Variants in IGSF11 observed in about 807,000 individuals in gnomAD.
IGSF11 encodes the protein CXADR like 1.
In IGSF11, 22 loss-of-function variants were observed where a neutral mutation model predicts 41.0. The ratio of observed to expected loss-of-function variants is 0.54; its 90% CI spans 0.38 to 0.77. The LOEUF is 0.77. Among genes scored for constraint, IGSF11 ranks in the 30% least tolerant of loss-of-function variants. The probability of loss-of-function intolerance (pLI) is 0.00; values close to 1 mark genes in which losing one functional copy is unlikely to be tolerated. For missense variants in IGSF11, 444 were observed against 530.8 expected, an observed-to-expected ratio of 0.84 and a Z score of 1.61; for synonymous variants, 219 against 201.3, an observed-to-expected ratio of 1.09 and a Z score of -0.74.
At chr3:118,962,590 T>C (rs1576492667) in intron 1 of IGSF11, among the ~76,000 whole-genome samples, 1 of 152,220 alleles carries the variant, frequency 6.6e-6, no homozygotes, top group South Asian at 2.1e-4. Flanking sequence ...CTGAGTTTGA[T>C]GGTTCTGAGG....
chr3:118,936,112 A>G (rs977825125), intron 1 of IGSF11, among the ~76,000 whole-genome samples: 5 of 152,078 alleles, frequency 3.3e-5, no homozygotes, highest in Non-Finnish European at 7.4e-5. Flanking sequence ...AATTTTTTCT[A>G]TCCTATTAAA....
intron 1 of IGSF11, among the ~76,000 whole-genome samples, chr3:119,018,153 T>C (rs1469929900): frequency 6.6e-6 from 1 of 152,186 alleles, no homozygotes; most frequent in Non-Finnish European, 1.5e-5. Flanking sequence ...TAAACTCTCA[T>C]AGCTAGTGCT....
At chr3:119,043,951 C>A (rs1233285139) in intron 1 of IGSF11, among the ~76,000 whole-genome samples, 1 of 151,948 alleles carries the variant, frequency 6.6e-6, no homozygotes, top group Non-Finnish European at 1.5e-5. Flanking sequence ...AACAGTCTAC[C>A]CAAAAAAGAA....
intron 1 of IGSF11, among the ~76,000 whole-genome samples, chr3:119,001,718 A>G (rs1259255757): frequency 0.022 from 3,296 of 148,454 alleles, 126 homozygotes; most frequent in African/African-American, 0.079. Context: ...GAGAATATGC[A>G]GTGTTTGGTT....
intron 1 of IGSF11, among the ~76,000 whole-genome samples, chr3:119,066,066 CTT>C (rs1477309653): frequency 6.6e-6 from 1 of 152,006 alleles, no homozygotes; most frequent in Non-Finnish European, 1.5e-5. Context: ...ATTTTCAAAA[CTT>C]TGATGTCTAT....
At chr3:118,910,985 G>A (rs1435648980) in intron 4 of IGSF11, among the ~76,000 whole-genome samples, 6 of 151,998 alleles carry the variant, frequency 3.9e-5, no homozygotes. Context: ...GTAGTGCTAT[G>A]ATTTTCTCTT....
At chr3:119,110,963 A>G (rs1195529060) in intron 1 of IGSF11, among the ~76,000 whole-genome samples, 289 of 145,044 alleles carry the variant, frequency 2.0e-3, no homozygotes, top group East Asian at 3.3e-3. Flanking sequence ...GAGATCCGCT[A>G]TTAGTCTGAT....
At chr3:118,969,612 G>A (rs1378347905) in intron 1 of IGSF11, among the ~76,000 whole-genome samples, 1 of 152,194 alleles carries the variant, frequency 6.6e-6, no homozygotes, top group Admixed American at 6.5e-5. Context: ...CTAGGGCAAA[G>A]CAAAAACTCA....
Position 119,078,479 on chromosome 3 carries a change from C to A in IGSF11, c.49+26665G>T, listed in dbSNP as rs141296026. Among the ~76,000 whole-genome samples the A allele has an allele frequency of 2.6e-3, 401 of 152,236 alleles. 7 individuals are homozygous for A. In the South Asian group the frequency reaches 0.03, roughly 11 times the overall value. ...AAGCAATGGGGAAAGGACTCCCTGT[C>A]CAACAAATGGTGCAGGGATAACTGA... On this transcript the variant is annotated intron_variant, in intron 1 of 6. Coordinates refer to the IGSF11 transcript ENST00000354673.
rs1021172029 is a variant in IGSF11 at position 119,017,762 on chromosome 3, TTTTG to T, written c.52+16765_52+16768del. Among the ~76,000 whole-genome samples the T allele has an allele frequency of 2.6e-5, 4 of 151,242 alleles. 1 individual carries two copies. Among genetic ancestry groups the T allele is most frequent in the Admixed American group, 1.3e-4 (2 of 15,114 alleles). ...ACTCAGTGGAGGCAAGAACTGAGTT[TTTTG>T]TTTGTTTTACTTTTTTTTTTTTTTT... On this transcript the variant is annotated intron_variant, in intron 1 of 6. Coordinates refer to ENST00000393775, the MANE Select transcript of IGSF11 (RefSeq NM_001015887.3).
chr3:119,023,941 G>A (rs1197120393), intron 1 of IGSF11, among the ~76,000 whole-genome samples: 2 of 152,136 alleles, frequency 1.3e-5, no homozygotes, highest in Non-Finnish European at 2.9e-5. Flanking sequence ...CAGGCAGATG[G>A]CTTGGTCATG....
chr3:119,032,969 A>C (rs74680876), intron 1 of IGSF11, among the ~76,000 whole-genome samples: 1 of 152,220 alleles, frequency 6.6e-6, no homozygotes, highest in Non-Finnish European at 1.5e-5. Context: ...ATGCCTCTAC[A>C]TAACAGGTTA....
intron 1 of IGSF11, among the ~76,000 whole-genome samples, chr3:118,993,302 T>C (rs932471082): frequency 2.0e-5 from 3 of 152,156 alleles, no homozygotes; most frequent in African/African-American, 4.8e-5. Flanking sequence ...ATTATAAAAA[T>C]GCAAAACTAC....
At chr3:118,979,326 G>T (rs1443599584) in intron 1 of IGSF11, among the ~76,000 whole-genome samples, 2 of 152,074 alleles carry the variant, frequency 1.3e-5, no homozygotes, top group Non-Finnish European at 2.9e-5. Context: ...GAATGAGTTA[G>T]AAAAACTATT....
At chr3:118,927,502 C>T (rs1018838753) in intron 3 of IGSF11, among the ~76,000 whole-genome samples, 1 of 151,850 alleles carries the variant, frequency 6.6e-6, no homozygotes, top group Non-Finnish European at 1.5e-5. Flanking sequence ...AATAGAAATC[C>T]CCGACTTGGT....
chr3:119,029,301 A>G (rs1940169972), intron 1 of IGSF11, among the ~76,000 whole-genome samples: 2 of 151,832 alleles, frequency 1.3e-5, no homozygotes, highest in African/African-American at 4.8e-5. Flanking sequence ...AATGCGAGAG[A>G]GAGAGCGGGC....
chr3:118,932,144 G>A (rs1942913903), intron 1 of IGSF11, among the ~76,000 whole-genome samples: 1 of 152,154 alleles, frequency 6.6e-6, no homozygotes, highest in Non-Finnish European at 1.5e-5. Flanking sequence ...GCCAACTCAT[G>A]GGAAGTCAAA....
At chr3:119,086,232 G>A (rs779938474) in intron 1 of IGSF11, among the ~76,000 whole-genome samples, 31 of 152,270 alleles carry the variant, frequency 2.0e-4, no homozygotes, top group Non-Finnish European at 4.0e-4. Flanking sequence ...AGAAACAAGG[G>A]ATTATGTAAA....
intron 1 of IGSF11, among the ~76,000 whole-genome samples, chr3:118,935,562 G>A (rs982275886): frequency 6.6e-6 from 1 of 151,650 alleles, no homozygotes; most frequent in Non-Finnish European, 1.5e-5. Context: ...CTACACAAAG[G>A]GAATAAATGA....
Sources: gnomAD v4.1 joint callset for allele counts (sites outside exome capture counted in the v4.1 genomes callset) on GRCh38, gnomAD v4.1.1 for gene constraint, MANE v1.5 for transcripts, NCBI Gene and HGNC (gene_info 2026-07-23, HGNC 2026-07-21) for gene names.